EML4: variants seen among roughly 807,000 people sequenced by gnomAD.
EML4 encodes EMAP like 4, also known as echinoderm microtubule-associated protein-like 4.
EML4 carries 72 observed loss-of-function variants against 129.0 expected under a neutral mutation model. The ratio of observed to expected loss-of-function variants is 0.56; its 90% CI spans 0.46 to 0.68. EML4 has a LOEUF of 0.68. Among genes scored for constraint, EML4 ranks in the 30% least tolerant of loss-of-function variants. The pLI, the probability that EML4 is intolerant of heterozygous loss-of-function variation, is 0.00. For missense variants in EML4, 1,363 were observed against 1,190.6 expected (o/e 1.14, Z -2.13); for synonymous variants, 532 against 405.0 (o/e 1.31, Z -3.77).
At chr2:42,265,061 A>C (rs755676161) in intron 6 of EML4, 4 of 1,052,016 alleles carry the variant, frequency 3.8e-6, no homozygotes, top group Non-Finnish European at 5.6e-6. Context: ...AAAAGGAAAT[A>C]CAGTGATTTG....
chr2:42,319,219 C>T (rs771666230), intron 19 of EML4, among the ~76,000 whole-genome samples: 2 of 152,036 alleles, frequency 1.3e-5, no homozygotes, highest in Non-Finnish European at 2.9e-5. Context: ...TTAGTAGAGC[C>T]GACTTTCCAA....
At chr2:42,171,652 G>C (rs748787647) in intron 1 of EML4, among the ~76,000 whole-genome samples, 1 of 152,182 alleles carries the variant, frequency 6.6e-6, no homozygotes, top group Non-Finnish European at 1.5e-5. Context: ...TATGTGATGA[G>C]ACTTTCCTTT....
At chr2:42,315,148 G>A (rs965614565) in intron 17 of EML4, among the ~76,000 whole-genome samples, 1 of 152,122 alleles carries the variant, frequency 6.6e-6, no homozygotes, top group Non-Finnish European at 1.5e-5. Context: ...TACAGCTGCT[G>A]TTCCTCCTGC....
At chr2:42,302,021 A>AATC (rs1431484738) in intron 14 of EML4, among the ~76,000 whole-genome samples, 1 of 152,112 alleles carries the variant, frequency 6.6e-6, no homozygotes, top group African/African-American at 2.4e-5. Context: ...CCCACTTGAT[A>AATC]AAGTGGGATT....
intron 13 of EML4, among the ~76,000 whole-genome samples, chr2:42,298,478 G>C (rs1015439715): frequency 1.3e-5 from 2 of 152,104 alleles, no homozygotes; most frequent in Non-Finnish European, 2.9e-5. Context: ...CAGAAATACA[G>C]GCCCATAAGA....
At chr2:42,233,365 G>C (rs1674471239) in intron 1 of EML4, among the ~76,000 whole-genome samples, 2 of 150,990 alleles carry the variant, frequency 1.3e-5, no homozygotes, top group Admixed American at 1.3e-4. Flanking sequence ...GAGTGCAGTG[G>C]CGCGATCTCA....
chr2:42,180,298 C>G (rs1453466403), intron 1 of EML4, among the ~76,000 whole-genome samples: 1 of 152,158 alleles, frequency 6.6e-6, no homozygotes, highest in African/African-American at 2.4e-5. Flanking sequence ...GTCTCTGGAC[C>G]AGAGGTAGCT....
intron 17 of EML4, among the ~76,000 whole-genome samples, chr2:42,308,133 AAAT>A (rs1183058682): frequency 6.6e-6 from 1 of 152,256 alleles, no homozygotes; most frequent in Non-Finnish European, 1.5e-5. Flanking sequence ...TATCATTTTA[AAAT>A]AATGTCTTAT....
intron 17 of EML4, among the ~76,000 whole-genome samples, chr2:42,309,346 C>A (rs1262883381): frequency 6.7e-6 from 1 of 150,108 alleles, no homozygotes; most frequent in Non-Finnish European, 1.5e-5. Context: ...GATGTCAAGG[C>A]TATCATAGTG....
At chr2:42,320,882 A>G (rs928407564) in intron 19 of EML4, among the ~76,000 whole-genome samples, 1 of 152,124 alleles carries the variant, frequency 6.6e-6, no homozygotes, top group African/African-American at 2.4e-5. Context: ...GCATTACAAA[A>G]TCTCTTGGAG....
chr2:42,304,401 G>C, intron 16 of EML4, 83 bp from the exon 17 acceptor site: 1 of 917,130 alleles, frequency 1.1e-6, no homozygotes, highest in Non-Finnish European at 1.8e-6. Flanking sequence ...GAATGAAACA[G>C]GTTATTTTCA....
intron 1 of EML4, among the ~76,000 whole-genome samples, chr2:42,172,576 CT>C (rs1377216030): frequency 6.6e-6 from 1 of 152,094 alleles, no homozygotes; most frequent in African/African-American, 2.4e-5. Flanking sequence ...TGCTTGTACT[CT>C]GGAATTTCCC....
chr2:42,215,652 C>T (rs775423222), intron 1 of EML4, among the ~76,000 whole-genome samples: 1 of 152,038 alleles, frequency 6.6e-6, no homozygotes, highest in Non-Finnish European at 1.5e-5. Context: ...CTGTTATCAA[C>T]CTGTTTTCTG....
At chr2:42,197,956 A>T (rs1671991990) in intron 1 of EML4, among the ~76,000 whole-genome samples, 1 of 152,218 alleles carries the variant, frequency 6.6e-6, no homozygotes, top group African/African-American at 2.4e-5. Flanking sequence ...CACAGTGCCT[A>T]CGTGTACATC....
intron 1 of EML4, among the ~76,000 whole-genome samples, chr2:42,213,478 G>A (rs1319154350): frequency 6.6e-6 from 1 of 152,086 alleles, no homozygotes; most frequent in Non-Finnish European, 1.5e-5. Flanking sequence ...TAACCATGAA[G>A]AAAAAATAAA....
chr2:42,249,279 C>G (rs929674207), intron 2 of EML4, among the ~76,000 whole-genome samples: 1 of 101,046 alleles, frequency 9.9e-6, no homozygotes, highest in African/African-American at 4.3e-5. Flanking sequence ...ATACTATAGA[C>G]AGTTTTATGT....
chr2:42,319,813 C>T (rs929668995), intron 19 of EML4: 4 of 152,146 alleles, frequency 2.6e-5, no homozygotes, highest in African/African-American at 9.7e-5. Context: ...AATACAAATG[C>T]TATTTTCTGT....
At chr2:42,215,581 T>C (rs1673137617) in intron 1 of EML4, among the ~76,000 whole-genome samples, 1 of 152,200 alleles carries the variant, frequency 6.6e-6, no homozygotes, top group South Asian at 2.1e-4. Flanking sequence ...GAATACCTAA[T>C]TATCTACCAC....
At chr2:42,265,709 T>G (rs1162199925) in intron 6 of EML4, among the ~76,000 whole-genome samples, 2 of 152,242 alleles carry the variant, frequency 1.3e-5, no homozygotes, top group Admixed American at 1.3e-4. Context: ...CAGTTTCCTG[T>G]CTTGCCAACT....
Sources: gnomAD v4.1 joint callset for allele counts (sites outside exome capture counted in the v4.1 genomes callset) on GRCh38, gnomAD v4.1.1 for gene constraint, MANE v1.5 for transcripts, NCBI Gene and HGNC (gene_info 2026-07-23, HGNC 2026-07-21) for gene names.